FILIP1L: variants seen among roughly 807,000 people sequenced by gnomAD.
The protein encoded by FILIP1L is filamin A-interacting protein 1-like.
In FILIP1L, 55 loss-of-function variants were observed where a neutral mutation model predicts 96.6. The observed-to-expected ratio is 0.57, with a 90% confidence interval of 0.46 to 0.71. The LOEUF is 0.71. Among genes scored for constraint, FILIP1L ranks in the 30% least tolerant of loss-of-function variants. The probability of loss-of-function intolerance (pLI) is 0.00; values close to 1 mark genes in which losing one functional copy is unlikely to be tolerated. For missense variants in FILIP1L, 1,304 were observed against 1,321.2 expected, an observed-to-expected ratio of 0.99 and a Z score of 0.20; for synonymous variants, 467 against 473.9, an observed-to-expected ratio of 0.99 and a Z score of 0.19.
At chr3:100,111,046 C>T (rs2066482397) in intron 1 of FILIP1L, among the ~76,000 whole-genome samples, 1 of 152,110 alleles carries the variant, frequency 6.6e-6, no homozygotes, top group African/African-American at 2.4e-5. Flanking sequence ...GGAGTCAATT[C>T]AGAGCTTTAC....
chr3:99,985,911 TGTTGGATATATTCATAAAACACA>T lies in FILIP1L; in HGVS notation c.-10-54904_-10-54882del, dbSNP rs545366388. 4.9e-3 allele frequency among the ~76,000 whole-genome samples: 742 copies of T among 152,296 alleles called. 18 individuals carry two copies. The highest frequency in any genetic ancestry group is 0.038 in the Admixed American group (585 of 15,290). Reference sequence around the variant, plus strand: ...GCCTGAGAAAAGCTTTTTAAAGTTCTGTTGGATATATTCATAAAACACATTGGGGGTTAAAGTCAGTATGACCA... The same window carrying T: ...GCCTGAGAAAAGCTTTTTAAAGTTCTTTGGGGGTTAAAGTCAGTATGACCA... On this transcript the variant is annotated intron_variant, in intron 1 of 5. Transcript: ENST00000477258.
Position 100,062,358 on chromosome 3 carries a change from G to A in FILIP1L, c.-11+51695C>T, listed in dbSNP as rs572324290. ...GATCTCCTGACCTCGCGATCCACCC[G>A]TCTCGGCCTCTCAAAGTGCTAGGAT... On this transcript the variant is annotated intron_variant, in intron 1 of 5. Transcript: ENST00000477258. 2.3e-4 allele frequency among the ~76,000 whole-genome samples: 35 copies of A among 152,014 alleles called. No homozygotes were observed. The South Asian group carries it at 5.6e-3, about 24-fold the overall frequency.
chr3:99,998,155 T>G (rs181198759), intron 1 of FILIP1L, among the ~76,000 whole-genome samples: 6 of 152,356 alleles, frequency 3.9e-5, no homozygotes, highest in Non-Finnish European at 5.9e-5. Context: ...CAGCAAGATC[T>G]GTTACCATCT....
intron 1 of FILIP1L, among the ~76,000 whole-genome samples, chr3:100,006,799 A>G (rs180972579): frequency 1.3e-5 from 2 of 152,352 alleles, no homozygotes; most frequent in East Asian, 3.9e-4. Flanking sequence ...GCGGCATGTC[A>G]GCCAAAGTAA....
chr3:100,094,935 G>A (rs201764314), intron 1 of FILIP1L, among the ~76,000 whole-genome samples: 6 of 151,958 alleles, frequency 3.9e-5, no homozygotes, highest in South Asian at 4.2e-4. Context: ...TGATCCACCC[G>A]CCTCGGCCTC....
chr3:99,986,100 G>C (rs1189897212), intron 1 of FILIP1L, among the ~76,000 whole-genome samples: 1 of 152,064 alleles, frequency 6.6e-6, no homozygotes, highest in African/African-American at 2.4e-5. Context: ...TTTCACTTGT[G>C]TTTTCATTGT....
intron 1 of FILIP1L, among the ~76,000 whole-genome samples, chr3:100,102,941 G>A (rs567896477): frequency 2.6e-5 from 4 of 152,316 alleles, no homozygotes; most frequent in South Asian, 2.1e-4. Flanking sequence ...ATAGCAGATT[G>A]GCAAGAGCAG....
intron 4 of FILIP1L, among the ~76,000 whole-genome samples, chr3:99,855,746 T>C (rs1358254723): frequency 6.6e-6 from 1 of 152,240 alleles, no homozygotes. Context: ...TAAATGTTTG[T>C]TCTTATATCT....
intron 1 of FILIP1L, among the ~76,000 whole-genome samples, chr3:99,971,380 A>C (rs1324320786): frequency 1.3e-5 from 2 of 151,574 alleles, no homozygotes; most frequent in Non-Finnish European, 2.9e-5. Context: ...CCCATAAGTG[A>C]GATCACCACA....
At chr3:100,001,087 T>G (rs1205477534) in intron 1 of FILIP1L, among the ~76,000 whole-genome samples, 1 of 152,234 alleles carries the variant, frequency 6.6e-6, no homozygotes, top group African/African-American at 2.4e-5. Flanking sequence ...TGCCTACTTA[T>G]TAATGCAGTT....
chr3:100,099,371 G>A (rs1410006623), intron 1 of FILIP1L, among the ~76,000 whole-genome samples: 2 of 152,098 alleles, frequency 1.3e-5, no homozygotes, highest in Non-Finnish European at 2.9e-5. Context: ...TGCATTAAAC[G>A]AGTAAGCTAT....
intron 4 of FILIP1L, among the ~76,000 whole-genome samples, chr3:99,859,337 T>C (rs944787034): frequency 6.6e-6 from 1 of 152,244 alleles, no homozygotes; most frequent in Non-Finnish European, 1.5e-5. Context: ...TACAGTATTC[T>C]CCCAGTAACA....
At position 99,850,837 on chromosome 3, in the gene FILIP1L, C is replaced by G. The variant is rs1943654478; in HGVS notation, c.839G>C (p.Arg280Thr). 1 of 1,614,178 alleles carries G rather than the reference C, an allele frequency of 6.2e-7. No homozygotes were observed. The highest frequency in any genetic ancestry group is 1.7e-5 in the Admixed American group (1 of 60,024). The part of the protein sequence containing the change: ...THTKLALAEA[R>T]VQEEEQKATR... ...TGCCTTCTGCTCTTCCTCCTGAACT[C>G]TGGCTTCAGCAAGGGCTAGTTTGGT... Residue 280 changes from arginine to threonine, a missense_variant, in exon 5 of 6, where the codon AGA (arginine) becomes ACA (threonine). Arg to Thr is a moderately conservative substitution (Grantham distance 71). Transcript: ENST00000477258.
intron 1 of FILIP1L, among the ~76,000 whole-genome samples, chr3:100,017,992 G>T (rs1576644675): frequency 6.6e-6 from 1 of 152,020 alleles, no homozygotes; most frequent in Admixed American, 6.6e-5. Context: ...TCTGAGAAGG[G>T]TATTCAGGAG....
In FILIP1L at chr3:99,867,302, A is replaced by G. The variant is rs182348477; in HGVS notation, c.606-16232T>C. 1.2e-4 allele frequency among the ~76,000 whole-genome samples: 19 copies of G among 152,250 alleles called. No homozygotes were observed. The East Asian group carries it at 3.7e-3, about 29-fold the overall frequency. ...GTTTGTGGCAGTTAAAGAAATGGCTATAGTATACCTCATGTATGTGCTATT... is the reference window on the plus strand; with the variant it reads ...GTTTGTGGCAGTTAAAGAAATGGCTGTAGTATACCTCATGTATGTGCTATT... On this transcript the variant is annotated intron_variant, in intron 4 of 5. Coordinates refer to ENST00000477258, the MANE Select transcript of FILIP1L (RefSeq NM_001387850.1).
intron 1 of FILIP1L, among the ~76,000 whole-genome samples, chr3:99,937,137 C>T (rs925865913): frequency 6.6e-6 from 1 of 151,824 alleles, no homozygotes; most frequent in African/African-American, 2.4e-5. Context: ...GGAGTTTCAC[C>T]ATGTTGGCCA....
At chr3:100,098,585 A>G (rs1170642788) in intron 1 of FILIP1L, among the ~76,000 whole-genome samples, 1 of 152,226 alleles carries the variant, frequency 6.6e-6, no homozygotes, top group African/African-American at 2.4e-5. Flanking sequence ...CTTGCTGCTA[A>G]TCAATACCAG....
intron 4 of FILIP1L, among the ~76,000 whole-genome samples, chr3:99,904,826 C>G (rs1455509219): frequency 2.0e-5 from 3 of 152,170 alleles, no homozygotes; most frequent in Admixed American, 2.0e-4. Flanking sequence ...TTCACTGTTT[C>G]TACAAGTGAC....
intron 5 of FILIP1L, among the ~76,000 whole-genome samples, chr3:99,835,029 C>T (rs1196930995): frequency 6.6e-6 from 1 of 152,132 alleles, no homozygotes; most frequent in Non-Finnish European, 1.5e-5. Context: ...TGTCTTTTTC[C>T]TTATATCACT....
Sources: allele counts gnomAD v4.1 joint callset (sites outside exome capture counted in the v4.1 genomes callset), GRCh38; gene constraint gnomAD v4.1.1; transcripts MANE v1.5; gene names NCBI Gene and HGNC (gene_info 2026-07-23, HGNC 2026-07-21).